RRP1B: variants seen among roughly 807,000 people sequenced by gnomAD.
RRP1B encodes the protein ribosomal RNA processing protein 1 homolog B.
In RRP1B, 56 loss-of-function variants were observed where a neutral mutation model predicts 80.2. The observed-to-expected ratio is 0.70, with a 90% CI of 0.56 to 0.87. The LOEUF is 0.87. RRP1B is among the 40% of genes least tolerant of loss of function. RRP1B has a pLI of 0.00. For missense variants in RRP1B, 807 were observed against 939.8 expected, an observed-to-expected ratio of 0.86 and a Z score of 1.85; for synonymous variants, 351 against 357.6, an observed-to-expected ratio of 0.98 and a Z score of 0.21.
At position 43,687,923 on chromosome 21, in the gene RRP1B, G is replaced by A. The variant is rs1369215788; in HGVS notation, c.1549G>A (p.Gly517Arg). The change falls in exon 13 of 16, where the codon GGA becomes AGA. Residue 517 changes from glycine (G) to arginine (R), a missense_variant. Coordinates refer to ENST00000340648, the MANE Select transcript of RRP1B (RefSeq NM_015056.3). ...GGGACCTAGAGGGTCCCCGACAGGT[G>A]GAGCCCAACTCCTAAAAAGGAAGCG... ...PQGPRGSPTGGAQLLKRKRKL... is the reference protein window; with the variant it reads ...PQGPRGSPTGRAQLLKRKRKL... The A allele has an allele frequency of 1.9e-6, 3 of 1,613,300 alleles. No homozygotes were observed. Among genetic ancestry groups the A allele is most frequent in the African/African-American group, 2.7e-5 (2 of 75,080 alleles).
chr21:43,673,092 CA>C (rs1375010484), intron 3 of RRP1B, among the ~76,000 whole-genome samples: 1 of 152,192 alleles, frequency 6.6e-6, no homozygotes, highest in Non-Finnish European at 1.5e-5. Context: ...GTAGCTCACC[CA>C]GATGCCACCT....
intron 1 of RRP1B, among the ~76,000 whole-genome samples, chr21:43,668,168 C>T (rs1028438516): frequency 6.7e-6 from 1 of 150,210 alleles, no homozygotes; most frequent in African/African-American, 2.5e-5. Flanking sequence ...TAGATTGTGC[C>T]ACTGCACTCC....
intron 2 of RRP1B, among the ~76,000 whole-genome samples, chr21:43,671,981 G>A (rs1447777882): frequency 6.6e-6 from 1 of 152,178 alleles, no homozygotes; most frequent in African/African-American, 2.4e-5. Flanking sequence ...GCCACTGCAC[G>A]TGGCCAGATA....
At chr21:43,672,978 A>C (rs1469763465) in intron 3 of RRP1B, among the ~76,000 whole-genome samples, 2 of 152,232 alleles carry the variant, frequency 1.3e-5, no homozygotes, top group Non-Finnish European at 2.9e-5. Context: ...ATGAAAAAAG[A>C]ATTGTGCAAA....
chr21:43,679,371 C>T (rs992532450), intron 8 of RRP1B, among the ~76,000 whole-genome samples: 3 of 151,876 alleles, frequency 2.0e-5, no homozygotes, highest in Non-Finnish European at 2.9e-5. Flanking sequence ...CATGTTCAAG[C>T]GATTCTCATG....
chr21:43,662,326 C>T (rs1427901609), intron 1 of RRP1B, among the ~76,000 whole-genome samples: 1 of 152,228 alleles, frequency 6.6e-6, no homozygotes, highest in African/African-American at 2.4e-5. Context: ...TCTTGTTCAC[C>T]ACCACATTGC....
chr21:43,669,376 T>A (rs548306909), intron 1 of RRP1B, among the ~76,000 whole-genome samples: 2 of 152,320 alleles, frequency 1.3e-5, no homozygotes, highest in East Asian at 3.9e-4. Context: ...TCCTAGGCCT[T>A]TGACTTTCAG....
rs2083060160 is a variant in RRP1B, at chr21:43,685,703, C to T, written c.990-67C>T. On this transcript the variant is annotated intron_variant, in intron 10 of 15. Coordinates refer to ENST00000340648, the MANE Select transcript of RRP1B (RefSeq NM_015056.3). ...ATCAAATACATATGTCTACAGAAGA[C>T]AGAAGGGATTTCTTTATGAACATTT... The T allele has an allele frequency of 1.2e-5, 14 of 1,193,346 alleles. No homozygotes were observed. In the South Asian group the frequency reaches 2.0e-4, roughly 17 times the overall value. The allele number at this position is 1,193,346 out of a possible 1,614,324, so 73.9% of individuals were successfully genotyped here. A position where few individuals can be genotyped will look rare whatever the true frequency, so the allele number is the denominator to read the frequency against.
intron 1 of RRP1B, among the ~76,000 whole-genome samples, chr21:43,665,718 A>G (rs2082975676): frequency 6.6e-6 from 1 of 151,920 alleles, no homozygotes; most frequent in South Asian, 2.1e-4. Context: ...TCTGACTGTT[A>G]AAGAGCCTGG....
chr21:43,672,166 G>T (rs989864818), intron 2 of RRP1B, 142 bp from the exon 3 acceptor site: 14 of 684,460 alleles, frequency 2.0e-5, no homozygotes, highest in Non-Finnish European at 5.3e-6. Context: ...TCAGATATTC[G>T]GATACATACT....
In RRP1B at chr21:43,670,746, C is replaced by A. The variant is rs189007243; in HGVS notation, c.213+780C>A. Reference sequence around the variant, plus strand: ...CTGTGTGTGGCCCAAGACAGTTCTTCCAGTGTGACCCAGGGAAGGCAAAAG... The same window carrying A: ...CTGTGTGTGGCCCAAGACAGTTCTTACAGTGTGACCCAGGGAAGGCAAAAG... On this transcript the variant is annotated intron_variant, in intron 2 of 15. Coordinates refer to ENST00000340648, the MANE Select transcript of RRP1B (RefSeq NM_015056.3). Among the ~76,000 whole-genome samples, 90 of 152,090 alleles carry A rather than the reference C, an allele frequency of 5.9e-4. 2 individuals carry two copies. The highest frequency in any genetic ancestry group is 2.0e-3 in the African/African-American group (84 of 41,464).
At chr21:43,676,591 A>G (rs1292295560) in intron 7 of RRP1B, 142 bp from the exon 8 acceptor site, 3 of 780,008 alleles carry the variant, frequency 3.8e-6, no homozygotes, top group Non-Finnish European at 6.1e-6. Context: ...GCACTTAGGC[A>G]GTTCCTCTCA....
intron 10 of RRP1B, 125 bp downstream of exon 10, chr21:43,684,775 G>A: frequency 1.4e-6 from 1 of 725,382 alleles, no homozygotes; most frequent in Non-Finnish European, 2.3e-6. Flanking sequence ...ATGCTTTTGT[G>A]TATAGCAATG....
intron 3 of RRP1B, among the ~76,000 whole-genome samples, chr21:43,673,317 G>A (rs567777981): frequency 6.6e-6 from 1 of 152,192 alleles, no homozygotes; most frequent in South Asian, 2.1e-4. Flanking sequence ...CAGCCCTTCC[G>A]GTTATTCTGT....
In RRP1B at chr21:43,691,242, C is replaced by T. The variant is rs549754203; in HGVS notation, c.2020-197C>T. Among the ~76,000 whole-genome samples the T allele has an allele frequency of 4.0e-4, 61 of 152,276 alleles. No homozygotes were observed. Among genetic ancestry groups the T allele is most frequent in the African/African-American group, 1.4e-3 (60 of 41,548 alleles). ...GTGGGACGCTGGGAAGGACAAAGGG[C>T]GGTCCTGGTGAAGCCCCGACAGGAG... On this transcript the variant is annotated intron_variant, in intron 14 of 15. Coordinates refer to ENST00000340648, the MANE Select transcript of RRP1B (RefSeq NM_015056.3). This position sits in a 1 kb window ranked among gnomAD's most constrained non-coding sequence, Gnocchi z 4.2.
At chr21:43,679,271 C>T (rs1358120832) in intron 8 of RRP1B, among the ~76,000 whole-genome samples, 4 of 146,308 alleles carry the variant, frequency 2.7e-5, no homozygotes, top group Admixed American at 1.4e-4. Flanking sequence ...TTTTTTTTGG[C>T]GGCGGGGAGG....
At chr21:43,682,605 C>T (rs530671511) in intron 8 of RRP1B, among the ~76,000 whole-genome samples, 10 of 152,216 alleles carry the variant, frequency 6.6e-5, no homozygotes, top group Non-Finnish European at 1.3e-4. Flanking sequence ...CATGCTCCTA[C>T]CCCTGGTGGT....
At chr21:43,675,629 G>A (rs1388220877) in intron 6 of RRP1B, among the ~76,000 whole-genome samples, 2 of 151,912 alleles carry the variant, frequency 1.3e-5, no homozygotes, top group Non-Finnish European at 2.9e-5. Flanking sequence ...GTATTTTTTT[G>A]ATTAAAAGAA....
At chr21:43,676,192 G>T (rs2083021743) in intron 6 of RRP1B, 80 bp from the exon 7 acceptor site, 1 of 1,042,886 alleles carries the variant, frequency 9.6e-7, no homozygotes. Flanking sequence ...CTTTGTAAAA[G>T]ATGGGAATGG....
Sources: allele counts gnomAD v4.1 joint callset (sites outside exome capture counted in the v4.1 genomes callset), GRCh38; gene constraint gnomAD v4.1.1; non-coding constraint Gnocchi (gnomAD v3.1); transcripts MANE v1.5; gene names NCBI Gene and HGNC (gene_info 2026-07-23, HGNC 2026-07-21).